The following ANO2 variants were observed in gnomAD, a reference collection of about 807,000 sequenced individuals.
ANO2 encodes the protein anoctamin 2, also known as anoctamin-2.
ANO2 carries 101 observed loss-of-function variants against 124.2 expected under a neutral mutation model. That is an observed-to-expected ratio of 0.81 (90% CI 0.69 to 0.96). The LOEUF (loss-of-function observed/expected upper bound fraction) is 0.96. Among genes scored for constraint, ANO2 ranks in the 40% least tolerant of loss-of-function variants. ANO2 has a pLI of 0.00. For synonymous variants in ANO2, 486 were observed against 482.5 expected, an observed-to-expected ratio of 1.01 and a Z score of -0.09; for missense variants, 1,293 against 1,274.5, an observed-to-expected ratio of 1.01 and a Z score of -0.22.
intron 11 of ANO2, among the ~76,000 whole-genome samples, chr12:5,748,267 G>T (rs1209014332): frequency 2.0e-5 from 3 of 152,196 alleles, no homozygotes; most frequent in Non-Finnish European, 2.9e-5. Flanking sequence ...ATATAAACCA[G>T]CCCACTGGTG....
chr12:5,909,744 T>C lies in ANO2; in HGVS notation c.534+11296A>G, dbSNP rs932076812. Among the ~76,000 whole-genome samples, 589 of 152,314 alleles carry C rather than the reference T, an allele frequency of 3.9e-3. 4 individuals carry two copies. Among genetic ancestry groups the C allele is most frequent in the African/African-American group, 0.013 (547 of 41,572 alleles). ...CTCTTCAGGAGCCCTCTCTGGGCAG[T>C]GCGTGCCCAGAGAGCAGGCGGTGGG... is the stretch of plus-strand genomic sequence containing the variant. On this transcript the variant is annotated intron_variant, in intron 3 of 24. Transcript: ENST00000682330.
intron 3 of ANO2, among the ~76,000 whole-genome samples, chr12:5,899,096 T>C (rs1175927013): frequency 2.6e-5 from 4 of 152,142 alleles, no homozygotes; most frequent in Non-Finnish European, 5.9e-5. Flanking sequence ...GAGCCAGGAC[T>C]CCGGAGTCCG....
At chr12:5,801,389 T>C (rs1176201588) in intron 9 of ANO2, among the ~76,000 whole-genome samples, 4 of 152,220 alleles carry the variant, frequency 2.6e-5, no homozygotes, top group Admixed American at 2.6e-4. Context: ...AATTGACAGA[T>C]TTATAATACA....
intron 7 of ANO2, among the ~76,000 whole-genome samples, chr12:5,809,080 T>C (rs1953299311): frequency 6.6e-6 from 1 of 152,066 alleles, no homozygotes; most frequent in Non-Finnish European, 1.5e-5. Flanking sequence ...GGCATGCACA[T>C]AAAACATGAG....
At chr12:5,912,202 C>A (rs1391705222) in intron 3 of ANO2, among the ~76,000 whole-genome samples, 5 of 152,192 alleles carry the variant, frequency 3.3e-5, no homozygotes, top group Non-Finnish European at 5.9e-5. Flanking sequence ...GCCTGCTTTT[C>A]ACTAGACCCA....
intron 7 of ANO2, among the ~76,000 whole-genome samples, chr12:5,816,824 A>G (rs557289076): frequency 6.6e-6 from 1 of 152,124 alleles, no homozygotes; most frequent in Admixed American, 6.5e-5. Context: ...CACCTACCAC[A>G]TTGCCTCATC....
intron 7 of ANO2, among the ~76,000 whole-genome samples, chr12:5,818,075 G>A (rs1306065131): frequency 1.3e-5 from 2 of 152,120 alleles, no homozygotes; most frequent in Admixed American, 6.5e-5. Context: ...AAAAAAACAT[G>A]AACTATGGGA....
intron 19 of ANO2, among the ~76,000 whole-genome samples, chr12:5,610,333 A>C (rs1256475200): frequency 3.1e-4 from 17 of 55,724 alleles, no homozygotes; most frequent in Admixed American, 6.5e-4. Context: ...ATAAATGCAT[A>C]TATTTATACA....
At chr12:5,873,654 C>G (rs544306348) in intron 3 of ANO2, among the ~76,000 whole-genome samples, 3 of 152,222 alleles carry the variant, frequency 2.0e-5, no homozygotes, top group Admixed American at 6.5e-5. Flanking sequence ...TCCGTCAACA[C>G]GTCAGGACAA....
chr12:5,842,123 T>C (rs1455854383), intron 4 of ANO2, among the ~76,000 whole-genome samples: 2 of 152,094 alleles, frequency 1.3e-5, no homozygotes, highest in Non-Finnish European at 2.9e-5. Flanking sequence ...CAAGTGATCC[T>C]CCTGCCTTTG....
At chr12:5,857,739 T>C (rs988216370) in intron 3 of ANO2, among the ~76,000 whole-genome samples, 3 of 152,052 alleles carry the variant, frequency 2.0e-5, no homozygotes, top group South Asian at 4.2e-4. Context: ...TCAACCTAAA[T>C]GTCCATCAAG....
intron 19 of ANO2, among the ~76,000 whole-genome samples, 191 bp downstream of exon 19, chr12:5,612,465 G>GC (rs1213152846): frequency 2.6e-5 from 4 of 152,164 alleles, no homozygotes; most frequent in Non-Finnish European, 4.4e-5. Flanking sequence ...ATCCTTCTGA[G>GC]CCTCCAACAT....
At position 5,888,397 on chromosome 12, in the gene ANO2, C is replaced by CACCACA. The variant is rs1565751775; in HGVS notation, c.534+32642_534+32643insTGTGGT. Among the ~76,000 whole-genome samples, 6 of 152,210 alleles carry CACCACA rather than the reference C, an allele frequency of 3.9e-5. No individual in the cohort carries two copies. In the South Asian group the frequency reaches 1.0e-3, roughly 26 times the overall value. On this transcript the variant is annotated intron_variant, in intron 3 of 24. Transcript: ENST00000682330. ...AAACCTTCCACAGTGTGGAAGGGGA[C>CACCACA]GCCAGCGGATTGCCACCGCTGGCTC...
intron 2 of ANO2, among the ~76,000 whole-genome samples, chr12:5,922,184 G>A (rs1031019461): frequency 6.6e-6 from 1 of 152,220 alleles, no homozygotes; most frequent in African/African-American, 2.4e-5. Context: ...AAGCAGGGGA[G>A]GGACCGGCCT....
intron 24 of ANO2, among the ~76,000 whole-genome samples, chr12:5,563,998 T>C (rs139270601): frequency 6.6e-6 from 1 of 152,230 alleles, no homozygotes; most frequent in Non-Finnish European, 1.5e-5. Context: ...CAAAGCCCAG[T>C]GGCTTCTCCT....
At chr12:5,604,258 C>T (rs770056032) in intron 19 of ANO2, among the ~76,000 whole-genome samples, 2 of 152,174 alleles carry the variant, frequency 1.3e-5, no homozygotes, top group African/African-American at 2.4e-5. Flanking sequence ...GAGAATACAA[C>T]GTAAGAGGCA....
At chr12:5,630,546 T>C (rs1041721847) in intron 16 of ANO2, among the ~76,000 whole-genome samples, 2 of 152,232 alleles carry the variant, frequency 1.3e-5, no homozygotes, top group East Asian at 1.9e-4. Flanking sequence ...CACATCCTTC[T>C]GTAGGCAGAC....
intron 14 of ANO2, among the ~76,000 whole-genome samples, chr12:5,729,359 T>C (rs1483541684): frequency 6.6e-6 from 1 of 152,156 alleles, no homozygotes; most frequent in Non-Finnish European, 1.5e-5. Flanking sequence ...AGGATTTGAA[T>C]AGATATTTTT....
At chr12:5,630,575 A>G (rs1485352959) in intron 16 of ANO2, among the ~76,000 whole-genome samples, 1 of 152,236 alleles carries the variant, frequency 6.6e-6, no homozygotes, top group East Asian at 1.9e-4. Flanking sequence ...AATAAGGAAT[A>G]CATAAATGCT....
Sources: gnomAD v4.1 joint callset for allele counts (sites outside exome capture counted in the v4.1 genomes callset) on GRCh38, gnomAD v4.1.1 for gene constraint, MANE v1.5 for transcripts, NCBI Gene and HGNC (gene_info 2026-07-23, HGNC 2026-07-21) for gene names.